Variants in AGAP1 observed in about 807,000 individuals in gnomAD.
The protein encoded by AGAP1 is arf-GAP with GTPase, ANK repeat and PH domain-containing protein 1.
Under a neutral mutation model 105.3 loss-of-function variants are expected in AGAP1, and 29 were observed. That is an observed-to-expected ratio of 0.28 (90% CI 0.21 to 0.38). The LOEUF (loss-of-function observed/expected upper bound fraction) is 0.38. AGAP1 is among the 10% of genes least tolerant of loss of function. The pLI, the probability that AGAP1 is intolerant of heterozygous loss-of-function variation, is 1.00. For missense variants in AGAP1, 998 were observed against 1,165.1 expected, an observed-to-expected ratio of 0.86 and a Z score of 2.09; for synonymous variants, 509 against 485.9, an observed-to-expected ratio of 1.05 and a Z score of -0.63.
chr2:235,596,066 C>T lies in AGAP1; in HGVS notation c.163+101217C>T, dbSNP rs1209219184. On this transcript the variant is annotated intron_variant, in intron 1 of 17. Transcript: ENST00000304032. The surrounding 1 kb of genome is among the most constrained non-coding windows in gnomAD (Gnocchi z 5.9). ...AAATCGCAGCCCTGTGAATTGTGTG[C>T]CCTAAGAGCCAGCTGTGCTCCTAAC... 6.6e-6 allele frequency among the ~76,000 whole-genome samples: 1 copy of T among 152,148 alleles called. No individual in the cohort carries two copies. The highest frequency in any genetic ancestry group is 1.5e-5 in the Non-Finnish European group (1 of 68,032).
chr2:235,897,122 G>T (rs555814625), intron 10 of AGAP1, among the ~76,000 whole-genome samples: 6 of 152,130 alleles, frequency 3.9e-5, no homozygotes, highest in South Asian at 4.2e-4. Flanking sequence ...TTGCTCTGTT[G>T]CCCAGGCTGG....
chr2:235,787,914 A>G lies in AGAP1; in HGVS notation c.674-9845A>G, dbSNP rs1202359932. ...CATTCTGGGACCAAGAGCCATGACC[A>G]TGAGCATTCCGGGACCAAGAGCAAG... On this transcript the variant is annotated intron_variant, in intron 6 of 17. Transcript: ENST00000304032. This position sits in a 1 kb window ranked among gnomAD's most constrained non-coding sequence, Gnocchi z 4.4. Among the ~76,000 whole-genome samples the G allele has an allele frequency of 2.0e-5, 3 of 152,104 alleles. No homozygotes were observed. The highest frequency in any genetic ancestry group is 2.9e-5 in the Non-Finnish European group (2 of 68,026).
At chr2:235,851,733 T>G (rs1054242639) in intron 9 of AGAP1, among the ~76,000 whole-genome samples, 3 of 152,160 alleles carry the variant, frequency 2.0e-5, no homozygotes, top group African/African-American at 7.2e-5. Context: ...GAAGCGCCTC[T>G]TGACTGCTCG....
In AGAP1 at chr2:235,517,133, C is replaced by A. The variant is rs939232678; in HGVS notation, c.163+22284C>A. Among the ~76,000 whole-genome samples, 1 of 152,178 alleles carries A rather than the reference C, an allele frequency of 6.6e-6. No homozygotes were observed. Among genetic ancestry groups the A allele is most frequent in the Non-Finnish European group, 1.5e-5 (1 of 68,028 alleles). ...ATCAAGGCACTGGCAGGTTTGGCTTCTTCCCATTCTGTGCCTCACCTGGTC... is the reference window on the plus strand; with the variant it reads ...ATCAAGGCACTGGCAGGTTTGGCTTATTCCCATTCTGTGCCTCACCTGGTC... On this transcript the variant is annotated intron_variant, in intron 1 of 17. Coordinates refer to ENST00000304032, the MANE Select transcript of AGAP1 (RefSeq NM_001037131.3). The surrounding 1 kb of genome is among the most constrained non-coding windows in gnomAD (Gnocchi z 4.1).
chr2:235,711,938 T>C (rs190842232), intron 2 of AGAP1, among the ~76,000 whole-genome samples: 449 of 152,334 alleles, frequency 2.9e-3, no homozygotes, highest in African/African-American at 0.01. Context: ...CATTTTGCAA[T>C]AAATCTTTTG....
chr2:235,591,617 A>G (rs2149213571), intron 1 of AGAP1, among the ~76,000 whole-genome samples: 1 of 152,268 alleles, frequency 6.6e-6, no homozygotes, highest in South Asian at 2.1e-4. Flanking sequence ...TTTCTCCTCC[A>G]AATCTCACTT....
chr2:235,778,722 A>T (rs1956069186), intron 6 of AGAP1, among the ~76,000 whole-genome samples: 1 of 152,214 alleles, frequency 6.6e-6, no homozygotes, highest in South Asian at 2.1e-4. Flanking sequence ...GCCCCACACA[A>T]GGTAGGACTC....
At position 236,080,540 on chromosome 2, in the gene AGAP1, C is replaced by T. The variant is rs138284064; in HGVS notation, c.2114+31259C>T. Among the ~76,000 whole-genome samples the T allele has an allele frequency of 4.2e-3, 634 of 152,354 alleles. 4 individuals are homozygous for T. Among genetic ancestry groups the T allele is most frequent in the African/African-American group, 0.014 (601 of 41,596 alleles). ...GGATGCCACCAAGGGCAGCCACCTG[C>T]TGTATCTTGTACACGTTTCATCCAT... is the stretch of plus-strand genomic sequence containing the variant. On this transcript the variant is annotated intron_variant, in intron 16 of 17. Transcript: ENST00000304032. The surrounding 1 kb of genome is among the most constrained non-coding windows in gnomAD (Gnocchi z 4.2).
rs189607359 is a variant in AGAP1 at position 235,692,846 on chromosome 2, G to A, written c.164-16333G>A. Among the ~76,000 whole-genome samples, 9 of 152,158 alleles carry A rather than the reference G, an allele frequency of 5.9e-5. No homozygotes were observed. Among genetic ancestry groups the A allele is most frequent in the Non-Finnish European group, 1.2e-4 (8 of 68,020 alleles). ...CGGAGTCAGGGTGTGCTTGGTGTGC[G>A]TATCTCCCTTGATGTGGCACTGCCT... On this transcript the variant is annotated intron_variant, in intron 1 of 17. Transcript: ENST00000304032. This position sits in a 1 kb window ranked among gnomAD's most constrained non-coding sequence, Gnocchi z 5.8.
rs984125088 is a variant in AGAP1 at position 235,577,179 on chromosome 2, A to T, written c.163+82330A>T. On this transcript the variant is annotated intron_variant, in intron 1 of 17. Coordinates refer to ENST00000304032, the MANE Select transcript of AGAP1 (RefSeq NM_001037131.3). The surrounding 1 kb of genome is among the most constrained non-coding windows in gnomAD (Gnocchi z 4.5). Reference sequence around the variant, plus strand: ...ACATTAGAAAAAATAAAAGAAACAGATGAAATTAATTTTAATAAACTGTTT... The same window carrying T: ...ACATTAGAAAAAATAAAAGAAACAGTTGAAATTAATTTTAATAAACTGTTT... 4.6e-5 allele frequency among the ~76,000 whole-genome samples: 7 copies of T among 152,208 alleles called. No homozygotes were observed. Among genetic ancestry groups the T allele is most frequent in the African/African-American group, 1.7e-4 (7 of 41,450 alleles).
At chr2:235,890,066 G>A (rs982390864) in intron 10 of AGAP1, among the ~76,000 whole-genome samples, 2 of 152,118 alleles carry the variant, frequency 1.3e-5, no homozygotes, top group Non-Finnish European at 2.9e-5. Flanking sequence ...GCTGCCTCAG[G>A]ATGATGGGGT....
In AGAP1 at chr2:236,075,448, G is replaced by T. The variant is rs1470001360; in HGVS notation, c.2114+26167G>T. Reference sequence around the variant, plus strand: ...TGAATGGGGGATGAAGCCGCAAAGGGTCCCCGCTGCTGCCCCCTTGGACAT... The same window carrying T: ...TGAATGGGGGATGAAGCCGCAAAGGTTCCCCGCTGCTGCCCCCTTGGACAT... On this transcript the variant is annotated intron_variant, in intron 16 of 17. Coordinates refer to ENST00000304032, the MANE Select transcript of AGAP1 (RefSeq NM_001037131.3). 3.3e-5 allele frequency among the ~76,000 whole-genome samples: 5 copies of T among 152,142 alleles called. No individual in the cohort carries two copies. The South Asian group carries it at 1.0e-3, about 32-fold the overall frequency.
intron 1 of AGAP1, among the ~76,000 whole-genome samples, chr2:235,530,975 A>G (rs952588902): frequency 6.6e-6 from 1 of 152,204 alleles, no homozygotes; most frequent in Admixed American, 6.5e-5. Context: ...GGTTGAGGGT[A>G]GGGGGACACT....
Position 236,124,097 on chromosome 2 carries a change from G to A in AGAP1, c.2549G>A (p.Ser850Asn), listed in dbSNP as rs369277454. 6.2e-7 allele frequency: 1 copy of A among 1,614,102 alleles called. No individual in the cohort carries two copies. The highest frequency in any genetic ancestry group is 8.5e-7 in the Non-Finnish European group (1 of 1,179,988). Residue 850 changes from serine to asparagine, a missense_variant, in exon 18 of 18, where the codon AGT (serine) becomes AAT (asparagine). Physicochemically the swap from Ser to Asn is conservative, Grantham distance 46. Transcript: ENST00000304032. This position sits in a 1 kb window ranked among gnomAD's most constrained non-coding sequence, Gnocchi z 5.1. ...SRRNNNRNNS[S>N]GRVPTII is the part of the protein sequence containing the mutation. ...AGAAACAATAACCGGAACAACAGCA[G>A]TGGGAGGGTGCCCACCATCATCTGA...
intron 8 of AGAP1, among the ~76,000 whole-genome samples, chr2:235,806,898 G>A (rs1386947925): frequency 2.0e-5 from 3 of 151,850 alleles, no homozygotes; most frequent in Non-Finnish European, 2.9e-5. Flanking sequence ...TTTTTTCCTC[G>A]GCTGTGTGAA....
chr2:236,090,106 C>T lies in AGAP1; in HGVS notation c.2115-30086C>T, dbSNP rs1376670984. On this transcript the variant is annotated intron_variant, in intron 16 of 17. Coordinates refer to ENST00000304032, the MANE Select transcript of AGAP1 (RefSeq NM_001037131.3). The surrounding 1 kb of genome is among the most constrained non-coding windows in gnomAD (Gnocchi z 4.3). ...AAACCCACTGCTCTCCTCACCTTGC[C>T]CTGCGCGCCTGAGCCCTTCACAGAG... is the stretch of plus-strand genomic sequence containing the variant. 6.6e-6 allele frequency among the ~76,000 whole-genome samples: 1 copy of T among 152,164 alleles called. No homozygotes were observed. Among genetic ancestry groups the T allele is most frequent in the Admixed American group, 6.5e-5 (1 of 15,280 alleles).
Position 236,014,396 on chromosome 2 carries a change from TC to T in AGAP1, c.1646-22163del, listed in dbSNP as rs1166620232. Reference sequence around the variant, plus strand: ...ACCAGGGTCTCTTGATTTGACATGCTCCTAATATTTGGCCGAATCAAAGGGC... The same window carrying T: ...ACCAGGGTCTCTTGATTTGACATGCTCTAATATTTGGCCGAATCAAAGGGC... On this transcript the variant is annotated intron_variant, in intron 13 of 17. Coordinates refer to ENST00000304032, the MANE Select transcript of AGAP1 (RefSeq NM_001037131.3). This position sits in a 1 kb window ranked among gnomAD's most constrained non-coding sequence, Gnocchi z 6.3. 2.6e-5 allele frequency among the ~76,000 whole-genome samples: 4 copies of T among 152,180 alleles called. No individual in the cohort carries two copies. The highest frequency in any genetic ancestry group is 7.2e-5 in the African/African-American group (3 of 41,462).
At chr2:235,881,173 C>G (rs1483355462) in intron 9 of AGAP1, among the ~76,000 whole-genome samples, 5 of 152,102 alleles carry the variant, frequency 3.3e-5, no homozygotes, top group Non-Finnish European at 5.9e-5. Flanking sequence ...GTTTGTGAAA[C>G]TTGGTTACGA....
Position 235,867,886 on chromosome 2 carries a change from C to G in AGAP1, c.1051-15459C>G, listed in dbSNP as rs947686844. Among the ~76,000 whole-genome samples, 1 of 152,114 alleles carries G rather than the reference C, an allele frequency of 6.6e-6. No homozygotes were observed. The highest frequency in any genetic ancestry group is 1.9e-4 in the East Asian group (1 of 5,196). ...ACATTCCATCCACCCACCACCCACC[C>G]AGATGCGCTTCTCTAGTTTTATTGA... is the stretch of plus-strand genomic sequence containing the variant. On this transcript the variant is annotated intron_variant, in intron 9 of 17. Transcript: ENST00000304032. This position sits in a 1 kb window ranked among gnomAD's most constrained non-coding sequence, Gnocchi z 5.4.
Sources: allele counts gnomAD v4.1 joint callset (sites outside exome capture counted in the v4.1 genomes callset), GRCh38; gene constraint gnomAD v4.1.1; non-coding constraint Gnocchi (gnomAD v3.1); transcripts MANE v1.5; gene names NCBI Gene and HGNC (gene_info 2026-07-23, HGNC 2026-07-21).